Variants in TMEM268 observed in about 807,000 individuals in gnomAD.
TMEM268 encodes transmembrane protein C9orf91.
A neutral mutation model predicts 39.1 loss-of-function variants in TMEM268; 24 were observed. The ratio of observed to expected loss-of-function variants is 0.61; its 90% CI spans 0.44 to 0.86. The LOEUF (loss-of-function observed/expected upper bound fraction) is 0.86, where lower values mean the gene tolerates loss of function less well. Ranked by LOEUF, TMEM268 falls within the 40% of genes least tolerant of loss-of-function variation. TMEM268 has a pLI of 0.00. For missense variants in TMEM268, 409 were observed against 428.6 expected (o/e 0.95, Z 0.40); for synonymous variants, 176 against 173.5 (o/e 1.01, Z -0.12).
chr9:114,613,188 A>C, intron 1 of TMEM268, among the ~76,000 whole-genome samples: 1 of 152,232 alleles, frequency 6.6e-6, no homozygotes, highest in East Asian at 1.9e-4. Flanking sequence ...GGTGAATGGA[A>C]TAAAGCCTGC....
intron 6 of TMEM268, among the ~76,000 whole-genome samples, chr9:114,634,881 G>C (rs909648758): frequency 6.6e-6 from 1 of 152,184 alleles, no homozygotes; most frequent in Non-Finnish European, 1.5e-5. Flanking sequence ...TTGGAGTGAA[G>C]CAGATGACAT....
At chr9:114,634,724 T>G (rs10982346) in intron 6 of TMEM268, among the ~76,000 whole-genome samples, 31,872 of 152,002 alleles carry the variant, frequency 0.21, 3,559 homozygotes, top group African/African-American at 0.29. Flanking sequence ...CTGCCTCAGT[T>G]CCTCCACGAA....
Position 114,643,523 on chromosome 9 carries a change from C to T in TMEM268, c.*210C>T, listed in dbSNP as rs1393133627. The T allele has an allele frequency of 3.5e-6, 2 of 568,632 alleles. No homozygotes were observed. The highest frequency in any genetic ancestry group is 6.3e-6 in the Non-Finnish European group (2 of 318,304). 35.2% of individuals were successfully genotyped at this position (568,632 alleles called of 1,614,324 possible). A position where few individuals can be genotyped will look rare whatever the true frequency, so the allele number is the denominator to read the frequency against. On this transcript the variant is annotated 3_prime_UTR_variant, in exon 9 of 9. Coordinates refer to ENST00000288502, the MANE Select transcript of TMEM268 (RefSeq NM_153045.4). ...TTGACATCTCATGCTGACCCCCTGG[C>T]CTTTGCAGAAGCTGATGGTTACAGA...
intron 1 of TMEM268, among the ~76,000 whole-genome samples, chr9:114,612,884 C>T (rs1845560589): frequency 6.6e-6 from 1 of 152,160 alleles, no homozygotes; most frequent in South Asian, 2.1e-4. Context: ...ATTTTATTTC[C>T]AGTTTCGTGC....
At chr9:114,614,548 A>G (rs1230197780) in intron 1 of TMEM268, among the ~76,000 whole-genome samples, 2 of 152,248 alleles carry the variant, frequency 1.3e-5, no homozygotes, top group Non-Finnish European at 2.9e-5. Flanking sequence ...TGGTGAGGGC[A>G]TGAGAGCCCT....
At chr9:114,638,820 T>C in intron 8 of TMEM268, 94 bp downstream of exon 8, 2 of 952,474 alleles carry the variant, frequency 2.1e-6, no homozygotes, top group Non-Finnish European at 2.9e-6. Flanking sequence ...CCCCAAGACA[T>C]GCTTCTCTCA....
At chr9:114,622,321 C>G in intron 2 of TMEM268, 5 of 985,368 alleles carry the variant, frequency 5.1e-6, no homozygotes, top group Non-Finnish European at 6.0e-6. Flanking sequence ...GAGAATATGC[C>G]AAAATATCCA....
At chr9:114,624,569 G>T (rs1340356852) in intron 3 of TMEM268, 110 bp downstream of exon 3, 1 of 1,456,792 alleles carries the variant, frequency 6.9e-7, no homozygotes, top group African/African-American at 1.4e-5. Flanking sequence ...TGTACCAGCT[G>T]TCGTAGGGTA....
intron 1 of TMEM268, among the ~76,000 whole-genome samples, chr9:114,612,396 G>C (rs1213140743): frequency 1.3e-5 from 2 of 152,178 alleles, no homozygotes; most frequent in African/African-American, 2.4e-5. Context: ...TTAGTTGCAG[G>C]GGCCTCAAGG....
chr9:114,646,387 C>T lies in TMEM268; in HGVS notation c.*3074C>T, dbSNP rs1827568228. 1 of 152,312 alleles carries T rather than the reference C, an allele frequency of 6.6e-6. No homozygotes were observed. The allele number at this position is 152,312 out of a possible 1,614,324, so 9.4% of individuals were successfully genotyped here. On this transcript the variant is annotated 3_prime_UTR_variant, in exon 9 of 9. Transcript: ENST00000288502. Reference sequence around the variant, plus strand: ...AGTGCTTGCAACTTTGAATACCAAACTTGAGTGAAAGCTCAATAAATTGTT... The same window carrying T: ...AGTGCTTGCAACTTTGAATACCAAATTTGAGTGAAAGCTCAATAAATTGTT...
In TMEM268 at chr9:114,626,893, A is replaced by G; in HGVS notation, c.217-6A>G. The G allele has an allele frequency of 1.3e-6, 2 of 1,598,844 alleles. No individual in the cohort carries two copies. Among genetic ancestry groups the G allele is most frequent in the Non-Finnish European group, 1.7e-6 (2 of 1,167,410 alleles). On this transcript the variant is annotated splice_polypyrimidine_tract_variant and splice_region_variant and intron_variant, in intron 3 of 8. Coordinates refer to ENST00000288502, the MANE Select transcript of TMEM268 (RefSeq NM_153045.4). ...TGATTGATCTCTTTCCCTGGGTTCC[A>G]AGCAGGTCCCGGCTGACCAGTACAG...
At position 114,645,689 on chromosome 9, in the gene TMEM268, A is replaced by G. The variant is rs1381518765; in HGVS notation, c.*2376A>G. ...TAAAAATGTGTTTGTTAAATGACAAAGCAGCAGTTTTTCAATTGTAAGGTC... is the reference window on the plus strand; with the variant it reads ...TAAAAATGTGTTTGTTAAATGACAAGGCAGCAGTTTTTCAATTGTAAGGTC... On this transcript the variant is annotated 3_prime_UTR_variant, in exon 9 of 9. Coordinates refer to ENST00000288502, the MANE Select transcript of TMEM268 (RefSeq NM_153045.4). 6.6e-6 allele frequency: 1 copy of G among 152,336 alleles called. No homozygotes were observed. Among genetic ancestry groups the G allele is most frequent in the Non-Finnish European group, 1.5e-5 (1 of 68,052 alleles). 9.4% of individuals were successfully genotyped at this position (152,336 alleles called of 1,614,324 possible).
chr9:114,608,824 A>C (rs1201308588), upstream of TMEM268, among the ~76,000 whole-genome samples: 1 of 152,100 alleles, frequency 6.6e-6, no homozygotes, highest in Non-Finnish European at 1.5e-5. Context: ...AAATGAATGA[A>C]CTTCATTTTT....
chr9:114,629,745 A>T (rs188014819), intron 5 of TMEM268, among the ~76,000 whole-genome samples: 1 of 152,308 alleles, frequency 6.6e-6, no homozygotes, highest in East Asian at 1.9e-4. Flanking sequence ...CCTGACTCAG[A>T]AAGAGGGGGC....
chr9:114,617,605 C>T (rs1324008237), intron 2 of TMEM268, among the ~76,000 whole-genome samples: 2 of 152,184 alleles, frequency 1.3e-5, no homozygotes, highest in Non-Finnish European at 2.9e-5. Flanking sequence ...GGGTCTTGCT[C>T]TGTTATCCTG....
chr9:114,626,853 T>C (rs1456675900), intron 3 of TMEM268, 46 bp from the exon 4 acceptor site: 3 of 1,427,418 alleles, frequency 2.1e-6, no homozygotes, highest in Non-Finnish European at 3.0e-6. Context: ...CACTGGAAAC[T>C]GGCTGTCCTG....
chr9:114,621,099 A>G (rs988785705), intron 2 of TMEM268, among the ~76,000 whole-genome samples: 8 of 152,018 alleles, frequency 5.3e-5, no homozygotes, highest in African/African-American at 1.9e-4. Flanking sequence ...GCACTTTGGG[A>G]GGCTGACATG....
chr9:114,618,540 G>A (rs1845823857), intron 2 of TMEM268, among the ~76,000 whole-genome samples: 1 of 152,048 alleles, frequency 6.6e-6, no homozygotes. Context: ...GCGGGCGCCT[G>A]TAATGCCAGC....
At chr9:114,620,794 A>G (rs1015451159) in intron 2 of TMEM268, among the ~76,000 whole-genome samples, 4 of 152,164 alleles carry the variant, frequency 2.6e-5, no homozygotes, top group African/African-American at 7.2e-5. Context: ...GCAAGGAAAC[A>G]GGCCCATGGG....
Sources: gnomAD v4.1 joint callset for allele counts (sites outside exome capture counted in the v4.1 genomes callset) on GRCh38, gnomAD v4.1.1 for gene constraint, MANE v1.5 for transcripts, NCBI Gene and HGNC (gene_info 2026-07-23, HGNC 2026-07-21) for gene names.